The following CACNG2 variants were observed in gnomAD, a reference collection of about 807,000 sequenced individuals.
The protein encoded by CACNG2 is calcium voltage-gated channel auxiliary subunit gamma 2.
A neutral mutation model predicts 25.9 loss-of-function variants in CACNG2; 3 were observed. That is an observed-to-expected ratio of 0.12 (90% CI 0.05 to 0.30). CACNG2 has a LOEUF of 0.30. CACNG2 is among the 10% of genes least tolerant of loss of function. The pLI is 1.00. For synonymous variants in CACNG2, 167 were observed against 173.3 expected (o/e 0.96, Z 0.29); for missense variants, 341 against 432.5 (o/e 0.79, Z 1.88).
At chr22:36,591,522 A>G (rs1935592558) in intron 1 of CACNG2, among the ~76,000 whole-genome samples, 1 of 151,834 alleles carries the variant, frequency 6.6e-6, no homozygotes, top group African/African-American at 2.4e-5. Flanking sequence ...ATAAAAACAA[A>G]TTAGCCAGAT....
intron 1 of CACNG2, among the ~76,000 whole-genome samples, chr22:36,650,714 G>C (rs131825): frequency 0.77 from 117,672 of 152,070 alleles, 45,800 homozygotes; most frequent in African/African-American, 0.86. Context: ...AGATGGGGGT[G>C]TCACTTTTTT....
At chr22:36,636,473 G>A (rs1936359790) in intron 1 of CACNG2, among the ~76,000 whole-genome samples, 2 of 152,170 alleles carry the variant, frequency 1.3e-5, no homozygotes, top group Admixed American at 6.5e-5. Context: ...GCTCAGGAGT[G>A]TTCTAGATGG....
chr22:36,607,310 C>A (rs929152337), intron 1 of CACNG2, among the ~76,000 whole-genome samples: 3 of 152,188 alleles, frequency 2.0e-5, no homozygotes, highest in African/African-American at 7.2e-5. Context: ...TACAGTGGCA[C>A]AATCACGGCT....
At chr22:36,680,592 C>T (rs1236514761) in intron 1 of CACNG2, among the ~76,000 whole-genome samples, 1 of 147,798 alleles carries the variant, frequency 6.8e-6, no homozygotes, top group Non-Finnish European at 1.5e-5. Context: ...ATCACCACCA[C>T]CTGCATCATG....
intron 2 of CACNG2, among the ~76,000 whole-genome samples, chr22:36,570,203 C>T (rs1212395700): frequency 6.6e-6 from 1 of 152,186 alleles, no homozygotes; most frequent in Non-Finnish European, 1.5e-5. Flanking sequence ...GCGGAGGGAG[C>T]TGGGATGCAT....
intron 2 of CACNG2, among the ~76,000 whole-genome samples, chr22:36,568,935 G>A (rs1443718560): frequency 1.3e-5 from 2 of 152,054 alleles, no homozygotes; most frequent in Non-Finnish European, 1.5e-5. Flanking sequence ...TCTCTTGGGC[G>A]GGATGGGGCT....
intron 1 of CACNG2, among the ~76,000 whole-genome samples, chr22:36,617,880 G>C (rs976418967): frequency 2.0e-5 from 3 of 150,502 alleles, no homozygotes; most frequent in African/African-American, 5.0e-5. Context: ...ACATTCTAAG[G>C]GTTGGTAACC....
intron 1 of CACNG2, among the ~76,000 whole-genome samples, chr22:36,652,623 T>C (rs1049824304): frequency 1.3e-5 from 2 of 152,136 alleles, no homozygotes; most frequent in African/African-American, 2.4e-5. Context: ...GTAGGGACTA[T>C]ATGGTTATCA....
chr22:36,630,853 C>T (rs1192405604), intron 1 of CACNG2, among the ~76,000 whole-genome samples: 1 of 152,120 alleles, frequency 6.6e-6, no homozygotes, highest in African/African-American at 2.4e-5. Flanking sequence ...TTTATTGAGA[C>T]AGAGTCTTGC....
At chr22:36,616,226 T>C (rs1936020292) in intron 1 of CACNG2, among the ~76,000 whole-genome samples, 1 of 152,224 alleles carries the variant, frequency 6.6e-6, no homozygotes, top group South Asian at 2.1e-4. Context: ...GTGTGATGCT[T>C]AGAGAAGTGC....
At chr22:36,581,989 A>G (rs886199959) in intron 2 of CACNG2, among the ~76,000 whole-genome samples, 60 of 152,114 alleles carry the variant, frequency 3.9e-4, no homozygotes, top group Non-Finnish European at 7.1e-4. Flanking sequence ...TTTGTCTCGA[A>G]ATCCACATTC....
intron 1 of CACNG2, among the ~76,000 whole-genome samples, chr22:36,590,841 T>G (rs1433470466): frequency 2.0e-5 from 3 of 151,770 alleles, no homozygotes; most frequent in African/African-American, 4.8e-5. Context: ...CCTCCCTCCC[T>G]GTGCATCTCT....
intron 2 of CACNG2, chr22:36,585,184 A>T (rs1371972466): frequency 6.6e-6 from 1 of 152,242 alleles, no homozygotes; most frequent in Non-Finnish European, 1.5e-5. Context: ...AATGGGACAT[A>T]GCTCTGCCTT....
intron 1 of CACNG2, among the ~76,000 whole-genome samples, chr22:36,699,587 T>C (rs923528327): frequency 1.3e-5 from 2 of 148,764 alleles, no homozygotes; most frequent in African/African-American, 5.0e-5. Flanking sequence ...AGAAAGAAGA[T>C]GTGAAATCTG....
intron 2 of CACNG2, among the ~76,000 whole-genome samples, chr22:36,582,712 G>A (rs1935439709): frequency 6.6e-6 from 1 of 151,500 alleles, no homozygotes; most frequent in South Asian, 2.1e-4. Flanking sequence ...CCTGGCCACT[G>A]TTCATTCTTG....
At position 36,632,915 on chromosome 22, in the gene CACNG2, C is replaced by T. The variant is rs578192830; in HGVS notation, c.212-45367G>A. On this transcript the variant is annotated intron_variant, in intron 1 of 3. Coordinates refer to ENST00000300105, the MANE Select transcript of CACNG2 (RefSeq NM_006078.5). ...CCTGGGCTATAAGACCTTACCCAATCTATCCCCCTTCCCAATCTTCTTTGC... is the reference window on the plus strand; with the variant it reads ...CCTGGGCTATAAGACCTTACCCAATTTATCCCCCTTCCCAATCTTCTTTGC... Among the ~76,000 whole-genome samples, 236 of 152,238 alleles carry T rather than the reference C, an allele frequency of 1.6e-3. 1 individual carries two copies. The highest frequency in any genetic ancestry group is 3.4e-3 in the Middle Eastern group (1 of 292).
chr22:36,574,992 C>T (rs1287762305), intron 2 of CACNG2, among the ~76,000 whole-genome samples: 1 of 152,130 alleles, frequency 6.6e-6, no homozygotes, highest in African/African-American at 2.4e-5. Context: ...GAGAGCTTGC[C>T]TATGGATGAA....
chr22:36,644,089 T>C (rs923651419), intron 1 of CACNG2, among the ~76,000 whole-genome samples: 1 of 151,884 alleles, frequency 6.6e-6, no homozygotes, highest in African/African-American at 2.4e-5. Flanking sequence ...CTGGAAGGGA[T>C]TTGGGGAAAA....
chr22:36,678,931 T>C (rs993735054), intron 1 of CACNG2, among the ~76,000 whole-genome samples: 1 of 152,174 alleles, frequency 6.6e-6, no homozygotes, highest in African/African-American at 2.4e-5. Flanking sequence ...GTTTGTGTCA[T>C]TGCTGGAATG....
Sources: allele counts gnomAD v4.1 joint callset (sites outside exome capture counted in the v4.1 genomes callset), GRCh38; gene constraint gnomAD v4.1.1; transcripts MANE v1.5; gene names NCBI Gene and HGNC (gene_info 2026-07-23, HGNC 2026-07-21).